TRMT11: variants seen among roughly 807,000 people sequenced by gnomAD.
TRMT11 encodes the protein tRNA methyltransferase 11.
A neutral mutation model predicts 62.8 loss-of-function variants in TRMT11; 53 were observed. The observed-to-expected ratio is 0.84, with a 90% CI of 0.68 to 1.06. TRMT11 has a LOEUF of 1.06. Among genes scored for constraint, TRMT11 ranks in the 50% least tolerant of loss-of-function variants. The pLI, the probability that TRMT11 is intolerant of heterozygous loss-of-function variation, is 0.00. For synonymous variants in TRMT11, 188 were observed against 190.3 expected (o/e 0.99, Z 0.10); for missense variants, 556 against 553.4 (o/e 1.00, Z -0.05).
At chr6:126,268,892 C>T in the TRMT11 span, among the ~76,000 whole-genome samples, 1,520 of 152,068 alleles carry the variant, frequency 1.0e-2, 31 homozygotes, top group African/African-American at 0.034. Context: ...GAAAAGACTA[C>T]GGTAAGTACA....
Position 126,009,086 on chromosome 6 carries a change from A to T in TRMT11, c.760+614A>T, listed in dbSNP as rs140850266. 5.4e-3 allele frequency among the ~76,000 whole-genome samples: 820 copies of T among 152,026 alleles called. 3 individuals carry two copies. The highest frequency in any genetic ancestry group is 9.4e-3 in the Non-Finnish European group (636 of 67,920). On this transcript the variant is annotated intron_variant, in intron 8 of 12. Coordinates refer to ENST00000334379, the MANE Select transcript of TRMT11 (RefSeq NM_001031712.3). ...GACCAGTTCAGACCTATAATTTATT[A>T]ATTATAACTAATTAATAAATATACA... is the stretch of plus-strand genomic sequence containing the variant.
At chr6:125,999,256 GAA>G (rs1792091963) in intron 6 of TRMT11, among the ~76,000 whole-genome samples, 199 bp from the exon 7 acceptor site, 1 of 152,078 alleles carries the variant, frequency 6.6e-6, no homozygotes, top group Admixed American at 6.5e-5. Flanking sequence ...GTTTTGAAAA[GAA>G]AAAGTAAATG....
At chr6:126,064,426 T>C (rs1269587612) in intron 17 of TRMT11, among the ~76,000 whole-genome samples, 1 of 152,068 alleles carries the variant, frequency 6.6e-6, no homozygotes, top group Non-Finnish European at 1.5e-5. Flanking sequence ...GCTGCTGGGG[T>C]AGCCAAGAGC....
At chr6:126,240,622 G>A in the TRMT11 span, among the ~76,000 whole-genome samples, 5 of 152,184 alleles carry the variant, frequency 3.3e-5, no homozygotes, top group African/African-American at 9.7e-5. Flanking sequence ...TGCCCCTACT[G>A]GGGGGTGCCT....
At chr6:126,016,701 AT>A (rs11424732) in intron 11 of TRMT11, among the ~76,000 whole-genome samples, 50 of 146,872 alleles carry the variant, frequency 3.4e-4, no homozygotes, top group Non-Finnish European at 3.9e-4. Context: ...TGTTTTAGGG[AT>A]TTTTTTTTTT....
chr6:126,012,090 C>G (rs897612088), intron 9 of TRMT11, among the ~76,000 whole-genome samples: 1 of 152,148 alleles, frequency 6.6e-6, no homozygotes, highest in Non-Finnish European at 1.5e-5. Context: ...TATCTCAGCT[C>G]TCTTTAGTTC....
chr6:125,997,903 C>T, intron 3 of TRMT11, 150 bp from the exon 4 acceptor site: 2 of 567,416 alleles, frequency 3.5e-6, no homozygotes, highest in Non-Finnish European at 6.3e-6. Flanking sequence ...GCTTTTTACC[C>T]ATTTATCTAA....
At chr6:126,236,654 C>T in the TRMT11 span, among the ~76,000 whole-genome samples, 2 of 152,070 alleles carry the variant, frequency 1.3e-5, no homozygotes, top group African/African-American at 4.8e-5. Context: ...TAGCTTACTA[C>T]GTATTTGTGT....
intron 17 of TRMT11, among the ~76,000 whole-genome samples, chr6:126,075,322 T>C (rs558723318): frequency 6.6e-6 from 1 of 152,236 alleles, no homozygotes; most frequent in East Asian, 1.9e-4. Flanking sequence ...TGGATTTGTG[T>C]CCCCACCCCA....
the TRMT11 span, among the ~76,000 whole-genome samples, chr6:126,255,115 C>T: frequency 6.6e-6 from 1 of 152,070 alleles, no homozygotes; most frequent in African/African-American, 2.4e-5. Flanking sequence ...TGATTACTTC[C>T]CAAATAGCCA....
At chr6:126,114,303 G>T (rs1692400414) in intron 18 of TRMT11, among the ~76,000 whole-genome samples, 1 of 152,044 alleles carries the variant, frequency 6.6e-6, no homozygotes, top group South Asian at 2.1e-4. Context: ...TTCCAGTCTA[G>T]AACAGAGAGC....
At chr6:126,093,721 T>C (rs1215620964) in intron 17 of TRMT11, among the ~76,000 whole-genome samples, 1 of 149,466 alleles carries the variant, frequency 6.7e-6, no homozygotes, top group East Asian at 2.0e-4. Context: ...TAGAGTGTTA[T>C]AAAATTAACA....
intron 11 of TRMT11, 58 bp from the exon 12 acceptor site, chr6:126,021,102 T>C: frequency 6.2e-7 from 1 of 1,603,688 alleles, no homozygotes; most frequent in South Asian, 1.1e-5. Flanking sequence ...ACGATCCCCA[T>C]GATTCTTTGT....
chr6:125,997,911 T>TTTGC (rs1791822448), intron 3 of TRMT11, 142 bp from the exon 4 acceptor site: 4 of 587,430 alleles, frequency 6.8e-6, no homozygotes, highest in Non-Finnish European at 3.0e-6. Flanking sequence ...CCCATTTATC[T>TTTGC]AAAATAACCG....
At chr6:126,036,809 A>T (rs567469829) in intron 12 of TRMT11, among the ~76,000 whole-genome samples, 1 of 152,180 alleles carries the variant, frequency 6.6e-6, no homozygotes, top group Admixed American at 6.5e-5. Flanking sequence ...TGAAAGTTGA[A>T]GTAGTTGACG....
the TRMT11 span, among the ~76,000 whole-genome samples, chr6:126,253,264 A>T: frequency 6.6e-6 from 1 of 152,176 alleles, no homozygotes; most frequent in African/African-American, 2.4e-5. Context: ...TCCCACAGGA[A>T]GGTCTTCAGG....
At chr6:126,207,264 T>C (rs1304938957), downstream of TRMT11, among the ~76,000 whole-genome samples, 1 of 152,122 alleles carries the variant, frequency 6.6e-6, no homozygotes, top group African/African-American at 2.4e-5. Flanking sequence ...GGAATTGTTT[T>C]GTTTGGAGGT....
intron 17 of TRMT11, among the ~76,000 whole-genome samples, chr6:126,104,230 C>T (rs1777437524): frequency 6.6e-6 from 1 of 152,048 alleles, no homozygotes; most frequent in African/African-American, 2.4e-5. Flanking sequence ...TGAATAGTCG[C>T]CGTTCAAAGT....
At chr6:126,257,634 T>C in the TRMT11 span, among the ~76,000 whole-genome samples, 1 of 152,198 alleles carries the variant, frequency 6.6e-6, no homozygotes, top group Non-Finnish European at 1.5e-5. Flanking sequence ...CCTTGGTTTT[T>C]CTTTGATTCG....
Sources: gnomAD v4.1 joint callset for allele counts (sites outside exome capture counted in the v4.1 genomes callset) on GRCh38, gnomAD v4.1.1 for gene constraint, MANE v1.5 for transcripts, NCBI Gene and HGNC (gene_info 2026-07-23, HGNC 2026-07-21) for gene names.